The following SEMA5A variants were observed in gnomAD, a reference collection of about 807,000 sequenced individuals.
The protein encoded by SEMA5A is semaphorin 5A, also known as semaphorin-5A.
Under a neutral mutation model 135.5 loss-of-function variants are expected in SEMA5A, and 55 were observed. The observed-to-expected ratio is 0.41, with a 90% CI of 0.33 to 0.51. The LOEUF is 0.51. Ranked by LOEUF, SEMA5A falls within the 20% of genes least tolerant of loss-of-function variation. The pLI, the probability that SEMA5A is intolerant of heterozygous loss-of-function variation, is 0.37. For synonymous variants in SEMA5A, 580 were observed against 546.5 expected (o/e 1.06, Z -0.85); for missense variants, 1,290 against 1,419.9 (o/e 0.91, Z 1.47).
At chr5:9,217,382 T>G (rs1746688650) in intron 8 of SEMA5A, among the ~76,000 whole-genome samples, 1 of 152,192 alleles carries the variant, frequency 6.6e-6, no homozygotes, top group African/African-American at 2.4e-5. Context: ...TGGTGTTCCA[T>G]TTGTAGGTGA....
At chr5:9,151,133 T>C (rs1742613841) in intron 12 of SEMA5A, among the ~76,000 whole-genome samples, 1 of 152,168 alleles carries the variant, frequency 6.6e-6, no homozygotes, top group Non-Finnish European at 1.5e-5. Flanking sequence ...GACATAATAA[T>C]CCCGCCAAAT....
chr5:9,228,816 G>A (rs909137106), intron 6 of SEMA5A, among the ~76,000 whole-genome samples: 9 of 152,242 alleles, frequency 5.9e-5, no homozygotes, highest in Non-Finnish European at 1.0e-4. Flanking sequence ...CATCATGCTG[G>A]AAATCAGGGG....
At position 9,319,958 on chromosome 5, in the gene SEMA5A, A is replaced by G. The variant is rs1231130869; in HGVS notation, c.225-1541T>C. Among the ~76,000 whole-genome samples the G allele has an allele frequency of 2.6e-5, 4 of 152,164 alleles. 1 individual carries two copies. Among genetic ancestry groups the G allele is most frequent in the Non-Finnish European group, 5.9e-5 (4 of 68,022 alleles). ...ATCCCTATGAGTTATGGACAGAGTT[A>G]GGGAGGACAAAGCCCCCATGGAAGC... On this transcript the variant is annotated intron_variant, in intron 4 of 22. Coordinates refer to ENST00000382496, the MANE Select transcript of SEMA5A (RefSeq NM_003966.3).
chr5:9,190,150 G>A lies in SEMA5A; in HGVS notation c.1273+117C>T, dbSNP rs1745019318. 3.8e-6 allele frequency: 4 copies of A among 1,063,514 alleles called. No homozygotes were observed. In the East Asian group the frequency reaches 1.0e-4, roughly 28 times the overall value. 65.9% of individuals were successfully genotyped at this position (1,063,514 alleles called of 1,614,324 possible). A position where few individuals can be genotyped will look rare whatever the true frequency, so the allele number is the denominator to read the frequency against. On this transcript the variant is annotated intron_variant, in intron 11 of 22. Transcript: ENST00000382496. ...GTGAGCATCGCGGGTTTTGCTGGTT[G>A]CAAAAAGAGACATCAGGCGTAAAGC...
chr5:9,120,699 A>G (rs2150181433), intron 14 of SEMA5A, among the ~76,000 whole-genome samples: 1 of 152,322 alleles, frequency 6.6e-6, no homozygotes, highest in Admixed American at 6.5e-5. Flanking sequence ...CATGTGCAAA[A>G]AGTTGTTAGA....
At chr5:9,142,366 C>G (rs886152563) in intron 12 of SEMA5A, among the ~76,000 whole-genome samples, 2 of 152,150 alleles carry the variant, frequency 1.3e-5, no homozygotes, top group African/African-American at 4.8e-5. Context: ...GTTTGAAGAA[C>G]TGGTAAAATG....
chr5:9,069,192 T>C (rs1469757074), intron 16 of SEMA5A, among the ~76,000 whole-genome samples: 1 of 152,210 alleles, frequency 6.6e-6, no homozygotes, highest in Non-Finnish European at 1.5e-5. Flanking sequence ...CAGAGAGCCA[T>C]TCTTGCCATC....
At chr5:9,265,925 G>A (rs944253545) in intron 5 of SEMA5A, among the ~76,000 whole-genome samples, 4 of 152,162 alleles carry the variant, frequency 2.6e-5, no homozygotes, top group African/African-American at 9.7e-5. Flanking sequence ...AGTGTTTTGC[G>A]GAGGAAGACC....
rs755753136 is a variant in SEMA5A, at chr5:9,051,966, G to T, written c.2752C>A (p.Arg918Ser). ...ATGGGGAACAGGAGGATGCACTGGCGGGCGCGGACTTGGACGCCAGAGGCT... is the reference window on the plus strand; with the variant it reads ...ATGGGGAACAGGAGGATGCACTGGCTGGCGCGGACTTGGACGCCAGAGGCT... ...CEASGVQVRA[R>S]QCILLFPMGS... Residue 918 changes from arginine to serine, a missense_variant, in exon 20 of 23, where the codon CGC becomes AGC. By Grantham distance (110) the Arg-to-Ser change is moderately radical. Transcript: ENST00000382496. 1.2e-5 allele frequency: 20 copies of T among 1,613,818 alleles called. No individual in the cohort carries two copies. In the Admixed American group the frequency reaches 3.3e-4, roughly 27 times the overall value.
intron 5 of SEMA5A, among the ~76,000 whole-genome samples, chr5:9,249,639 G>C (rs1270632416): frequency 1.3e-5 from 2 of 152,162 alleles, no homozygotes; most frequent in Non-Finnish European, 2.9e-5. Flanking sequence ...ATATATGAAA[G>C]ATGTAGTTGT....
intron 11 of SEMA5A, among the ~76,000 whole-genome samples, chr5:9,169,612 G>A (rs1039165384): frequency 6.6e-6 from 1 of 152,098 alleles, no homozygotes; most frequent in Non-Finnish European, 1.5e-5. Context: ...TTTTCCATCT[G>A]CTCTTGAACA....
In SEMA5A at chr5:9,524,750, A is replaced by G. The variant is rs75554361; in HGVS notation, c.-175+20834T>C. ...ATCAGTCCTTAGCTAATTTTCAACC[A>G]TTATTAATGCAAAATAAATATATAC... On this transcript the variant is annotated intron_variant, in intron 1 of 22. Coordinates refer to ENST00000382496, the MANE Select transcript of SEMA5A (RefSeq NM_003966.3). Among the ~76,000 whole-genome samples the G allele has an allele frequency of 0.023, 3,539 of 152,318 alleles. 270 individuals are homozygous for G. The East Asian group carries it at 0.3, about 13-fold the overall frequency.
chr5:9,528,862 C>T (rs1429421794), intron 1 of SEMA5A, among the ~76,000 whole-genome samples: 4 of 152,184 alleles, frequency 2.6e-5, no homozygotes, highest in Non-Finnish European at 5.9e-5. Flanking sequence ...GATAAGAGAA[C>T]TACATTGTTT....
At chr5:9,363,305 A>G (rs960698948) in intron 3 of SEMA5A, 2 of 152,228 alleles carry the variant, frequency 1.3e-5, no homozygotes, top group Non-Finnish European at 2.9e-5. Context: ...AACCATGCAC[A>G]CTAATCATTT....
chr5:9,341,122 A>G (rs1476410062), intron 3 of SEMA5A, among the ~76,000 whole-genome samples: 2 of 152,008 alleles, frequency 1.3e-5, no homozygotes, highest in Non-Finnish European at 2.9e-5. Context: ...AAAAACCCCA[A>G]TAAAATGCAT....
chr5:9,458,739 T>G (rs376419437), intron 1 of SEMA5A, among the ~76,000 whole-genome samples: 1 of 152,168 alleles, frequency 6.6e-6, no homozygotes, highest in Non-Finnish European at 1.5e-5. Flanking sequence ...TGAATTGCCA[T>G]GAATAACAGT....
intron 2 of SEMA5A, among the ~76,000 whole-genome samples, chr5:9,434,118 A>G (rs1418422937): frequency 1.3e-5 from 2 of 152,178 alleles, no homozygotes; most frequent in African/African-American, 4.8e-5. Context: ...TGGAAGCAAC[A>G]TATGTTCCAC....
intron 1 of SEMA5A, among the ~76,000 whole-genome samples, chr5:9,495,887 C>T (rs914057679): frequency 6.6e-6 from 1 of 152,078 alleles, no homozygotes; most frequent in Non-Finnish European, 1.5e-5. Context: ...TTTACCTGAT[C>T]GACTGAATAC....
chr5:9,080,805 G>A (rs1386412242), intron 16 of SEMA5A, among the ~76,000 whole-genome samples: 1 of 152,092 alleles, frequency 6.6e-6, no homozygotes, highest in East Asian at 1.9e-4. Context: ...TTGTAACGCA[G>A]CTCTGATCTG....
Sources: gnomAD v4.1 joint callset for allele counts (sites outside exome capture counted in the v4.1 genomes callset) on GRCh38, gnomAD v4.1.1 for gene constraint, MANE v1.5 for transcripts, NCBI Gene and HGNC (gene_info 2026-07-23, HGNC 2026-07-21) for gene names.